RPS6KA3: variants seen among roughly 807,000 people sequenced by gnomAD.
RPS6KA3 encodes the protein ribosomal protein S6 kinase A3, also known as ribosomal protein S6 kinase alpha-3.
RPS6KA3 carries 4 observed loss-of-function variants against 67.2 expected under a neutral mutation model. The observed-to-expected ratio is 0.06, with a 90% CI of 0.03 to 0.14. The LOEUF (loss-of-function observed/expected upper bound fraction) is 0.14. Ranked by LOEUF, RPS6KA3 falls within the 10% of genes least tolerant of loss-of-function variation. The pLI is 1.00. For missense variants in RPS6KA3, 204 were observed against 559.0 expected (o/e 0.36, Z 6.40); for synonymous variants, 182 against 183.7 (o/e 0.99, Z 0.07).
Position 20,169,491 on chromosome X carries a change from T to C in RPS6KA3, c.1354A>G (p.Ile452Val). Residue 452 changes from isoleucine (I) to valine (V), a missense_variant and splice_region_variant, in exon 16 of 22, where the codon ATT (isoleucine) becomes GTT (valine). Physicochemically the swap from Ile to Val is conservative, Grantham distance 29. This residue lies in a region of RPS6KA3 where 73 missense variants were observed against 241.1 expected (regional missense o/e 0.30). Transcript: ENST00000379565. ...KATNMEFAVK[I>V]IDKSKRDPTE... ...GGGTCTCTCTTGCTTTTATCAATAA[T>C]CTAAAAGGCAAATGTTTATCACAAA... The C allele has an allele frequency of 1.8e-6, 2 of 1,103,704 alleles. No homozygotes were observed. Among genetic ancestry groups the C allele is most frequent in the Non-Finnish European group, 2.5e-6 (2 of 796,909 alleles). 91.0% of individuals were successfully genotyped at this position (1,103,704 alleles called of 1,213,427 possible).
Position 20,156,265 on chromosome X carries a change from T to C in RPS6KA3, c.1960-16A>G. 2 of 1,205,152 alleles carry C rather than the reference T, an allele frequency of 1.7e-6. No individual in the cohort carries two copies. On this transcript the variant is annotated splice_polypyrimidine_tract_variant and intron_variant, in intron 20 of 21. Coordinates refer to ENST00000379565, the MANE Select transcript of RPS6KA3 (RefSeq NM_004586.3). Reference sequence around the variant, plus strand: ...ACACCAGGTCCTGTAATGGGAATAATAAAACAAGCTTAAACCTTTTGTTTT... The same window carrying C: ...ACACCAGGTCCTGTAATGGGAATAACAAAACAAGCTTAAACCTTTTGTTTT...
At position 20,165,089 on chromosome X, in the gene RPS6KA3, G is replaced by A. The variant is rs746985538; in HGVS notation, c.1603-29C>T. ...ATTGAAATACAAATTAAAGAGTTAT[G>A]TTAACAATATATTTCCATTACTGAA... On this transcript the variant is annotated intron_variant, in intron 17 of 21. Transcript: ENST00000379565. The A allele has an allele frequency of 1.1e-5, 12 of 1,094,290 alleles. No homozygotes were observed. The East Asian group carries it at 3.0e-4, about 27-fold the overall frequency. The allele number at this position is 1,094,290 out of a possible 1,213,427, so 90.2% of individuals were successfully genotyped here. A position where few individuals can be genotyped will look rare whatever the true frequency, so the allele number is the denominator to read the frequency against.
intron 2 of RPS6KA3, among the ~76,000 whole-genome samples, chrX:20,230,835 A>G (rs1041533829): frequency 8.9e-6 from 1 of 112,083 alleles, no homozygotes; most frequent in Non-Finnish European, 1.9e-5. Context: ...TTAAATATAC[A>G]TACGCAATAA....
intron 7 of RPS6KA3, among the ~76,000 whole-genome samples, chrX:20,191,908 G>A (rs1472589230): frequency 6.3e-5 from 7 of 110,410 alleles, no homozygotes; most frequent in Non-Finnish European, 1.3e-4. Flanking sequence ...TGGGATTACA[G>A]GTGTGCCCCT....
intron 20 of RPS6KA3, among the ~76,000 whole-genome samples, chrX:20,158,388 AG>A (rs1457228397): frequency 1.1e-4 from 9 of 84,206 alleles, no homozygotes; most frequent in African/African-American, 5.0e-4. Context: ...AAAAAAAAAA[AG>A]AGAGAGAGAG....
Position 20,169,170 on chromosome X carries a change from A to AT in RPS6KA3, c.1443+231dup, listed in dbSNP as rs1256765369. Among the ~76,000 whole-genome samples the AT allele has an allele frequency of 2.4e-4, 26 of 110,202 alleles. No individual in the cohort carries two copies. In the Middle Eastern group the frequency reaches 0.014, roughly 60 times the overall value. On this transcript the variant is annotated intron_variant, in intron 16 of 21. Coordinates refer to ENST00000379565, the MANE Select transcript of RPS6KA3 (RefSeq NM_004586.3). ...GCTCGGCCTGGCTAATTAAAAAAAA[A>AT]TTTTTTTTTGTAGAGATGGAGATCT...
intron 2 of RPS6KA3, among the ~76,000 whole-genome samples, chrX:20,217,474 T>C (rs1442352062): frequency 8.9e-6 from 1 of 112,835 alleles, no homozygotes; most frequent in Non-Finnish European, 1.9e-5. Flanking sequence ...CTTGTATACA[T>C]AATTTCCTTT....
intron 14 of RPS6KA3, 23 bp from the exon 15 acceptor site, chrX:20,172,894 GA>G: frequency 8.4e-7 from 1 of 1,194,917 alleles, no homozygotes; most frequent in Non-Finnish European, 1.1e-6. Context: ...ATAAATTGGT[GA>G]AGAGTCCCAT....
intron 2 of RPS6KA3, among the ~76,000 whole-genome samples, chrX:20,232,335 G>T (rs1456959076): frequency 8.9e-6 from 1 of 112,248 alleles, no homozygotes; most frequent in African/African-American, 3.2e-5. Context: ...AGCACTTTGG[G>T]AGGCCGAGGC....
intron 20 of RPS6KA3, among the ~76,000 whole-genome samples, chrX:20,158,387 A>AGAG (rs1555925405): frequency 7.2e-5 from 7 of 97,416 alleles, no homozygotes; most frequent in Non-Finnish European, 1.2e-4. Flanking sequence ...AAAAAAAAAA[A>AGAG]AGAGAGAGAG....
At chrX:20,225,243 GTTTT>G (rs374712907) in intron 2 of RPS6KA3, among the ~76,000 whole-genome samples, 3,820 of 79,904 alleles carry the variant, frequency 0.048, 89 homozygotes, top group Non-Finnish European at 0.072. Context: ...TTTTTTTTTT[GTTTT>G]TTTTTTTGTT....
Position 20,187,706 on chromosome X carries a change from G to T in RPS6KA3, c.774+122C>A. Reference sequence around the variant, plus strand: ...TATACTGCATGCAATAATGTTTCTTGGTTATTTATTACATATGGCATAAAA... The same window carrying T: ...TATACTGCATGCAATAATGTTTCTTTGTTATTTATTACATATGGCATAAAA... On this transcript the variant is annotated intron_variant, in intron 9 of 21. Transcript: ENST00000379565. 2 of 621,776 alleles carry T rather than the reference G, an allele frequency of 3.2e-6. 1 individual carries two copies. The highest frequency in any genetic ancestry group is 6.2e-4 in the Middle Eastern group (2 of 3,236). The allele number at this position is 621,776 out of a possible 1,213,427, so 51.2% of individuals were successfully genotyped here. A position where few individuals can be genotyped will look rare whatever the true frequency, so the allele number is the denominator to read the frequency against.
chrX:20,265,321 C>T (rs2070344784), intron 1 of RPS6KA3, among the ~76,000 whole-genome samples: 1 of 111,694 alleles, frequency 9.0e-6, no homozygotes, highest in Non-Finnish European at 1.9e-5. Flanking sequence ...ATGCAAGTGT[C>T]CCGCATCTCA....
intron 10 of RPS6KA3, among the ~76,000 whole-genome samples, chrX:20,180,014 A>AG (rs2067802669): frequency 9.0e-6 from 1 of 110,920 alleles, no homozygotes; most frequent in African/African-American, 3.3e-5. Flanking sequence ...GTTTGAGCCC[A>AG]GGAGTTTGAT....
chrX:20,223,688 T>C (rs2069040428), intron 2 of RPS6KA3, among the ~76,000 whole-genome samples: 1 of 112,205 alleles, frequency 8.9e-6, no homozygotes, highest in Middle Eastern at 4.6e-3. Context: ...TTGTTTCATA[T>C]GCTCACTTCC....
At chrX:20,266,954 G>C (rs745840205), upstream of RPS6KA3, 36 of 711,153 alleles carry the variant, frequency 5.1e-5, no homozygotes, top group Non-Finnish European at 5.6e-5. Context: ...CGCCCCCCCC[G>C]CCGGTTCCCG....
intron 3 of RPS6KA3, among the ~76,000 whole-genome samples, chrX:20,204,874 T>C (rs750107756): frequency 3.6e-4 from 40 of 111,562 alleles, no homozygotes; most frequent in African/African-American, 1.2e-3. Context: ...CACTCCAGCC[T>C]GGGCAACAAG....
intron 1 of RPS6KA3, among the ~76,000 whole-genome samples, chrX:20,247,738 G>A (rs956099830): frequency 9.5e-6 from 1 of 104,730 alleles, no homozygotes; most frequent in African/African-American, 3.5e-5. Context: ...AGTGAGCCGA[G>A]ATTGCGCCAC....
chrX:20,204,363 A>G (rs1345983168), intron 3 of RPS6KA3, among the ~76,000 whole-genome samples: 1 of 111,825 alleles, frequency 8.9e-6, no homozygotes, highest in Non-Finnish European at 1.9e-5. Context: ...AAGACAGAAA[A>G]AAACCCTTTA....
Sources: gnomAD v4.1 joint callset for allele counts (sites outside exome capture counted in the v4.1 genomes callset) on GRCh38, gnomAD v4.1.1 for gene constraint, gnomAD v4.1.1 regional missense constraint, MANE v1.5 for transcripts, NCBI Gene and HGNC (gene_info 2026-07-23, HGNC 2026-07-21) for gene names.